Variants in RGS9 observed in about 807,000 individuals in gnomAD.
The protein encoded by RGS9 is regulator of G-protein signalling 9.
RGS9 carries 78 observed loss-of-function variants against 102.0 expected under a neutral mutation model. The observed-to-expected ratio is 0.76, with a 90% CI of 0.64 to 0.92. The LOEUF is 0.92. RGS9 is among the 40% of genes least tolerant of loss of function. RGS9 has a pLI of 0.00. For synonymous variants in RGS9, 353 were observed against 318.6 expected (o/e 1.11, Z -1.15); for missense variants, 833 against 866.1 (o/e 0.96, Z 0.48).
intron 13 of RGS9, among the ~76,000 whole-genome samples, chr17:65,197,462 C>T (rs1912640668): frequency 6.6e-6 from 1 of 152,066 alleles, no homozygotes; most frequent in Admixed American, 6.6e-5. Flanking sequence ...GGGAAAATTG[C>T]ACCTGCTCAC....
chr17:65,215,083 G>A (rs1005711464), intron 17 of RGS9, among the ~76,000 whole-genome samples: 5 of 152,308 alleles, frequency 3.3e-5, no homozygotes, highest in East Asian at 1.9e-4. Context: ...CTTGCAGTTC[G>A]TATGCTGGAT....
At chr17:65,159,526 G>A (rs769892399) in intron 3 of RGS9, among the ~76,000 whole-genome samples, 4 of 152,150 alleles carry the variant, frequency 2.6e-5, no homozygotes, top group Non-Finnish European at 4.4e-5. Context: ...TGGAGGCTGA[G>A]CTATGGGATG....
intron 17 of RGS9, among the ~76,000 whole-genome samples, chr17:65,223,794 A>G (rs997869220): frequency 6.9e-6 from 1 of 144,764 alleles, no homozygotes; most frequent in African/African-American, 2.6e-5. Flanking sequence ...TCTGTCACCC[A>G]GGCTGGAGTG....
At chr17:65,217,422 A>T (rs1452398710) in intron 17 of RGS9, among the ~76,000 whole-genome samples, 1 of 152,248 alleles carries the variant, frequency 6.6e-6, no homozygotes, top group African/African-American at 2.4e-5. Context: ...TGCCGAATCA[A>T]GAAGTTGAGC....
intron 13 of RGS9, among the ~76,000 whole-genome samples, chr17:65,198,280 G>C (rs1912675190): frequency 6.6e-6 from 1 of 151,118 alleles, no homozygotes; most frequent in Non-Finnish European, 1.5e-5. Flanking sequence ...TTTTGATATG[G>C]AGTCTCGCTC....
chr17:65,140,885 T>TG (rs1398289493), intron 1 of RGS9, among the ~76,000 whole-genome samples: 2 of 146,376 alleles, frequency 1.4e-5, no homozygotes, highest in African/African-American at 5.1e-5. Flanking sequence ...AGACTCTGTC[T>TG]AAAAAAAAAA....
At chr17:65,200,323 G>A (rs764907821) in intron 13 of RGS9, among the ~76,000 whole-genome samples, 2 of 152,136 alleles carry the variant, frequency 1.3e-5, no homozygotes, top group South Asian at 4.1e-4. Flanking sequence ...AGCCACCCAT[G>A]CCCAGCCGAA....
rs148412588 is a variant in RGS9, at chr17:65,193,389, G to T, written c.747-154G>T. Among the ~76,000 whole-genome samples the T allele has an allele frequency of 6.1e-3, 927 of 152,252 alleles. 5 individuals are homozygous for T. Among genetic ancestry groups the T allele is most frequent in the Non-Finnish European group, 9.1e-3 (618 of 68,006 alleles). Reference sequence around the variant, plus strand: ...TGTCAAATACCTGCCAATCCCAAGGGTTATTTGATTTGAGGAAATTTCTAG... The same window carrying T: ...TGTCAAATACCTGCCAATCCCAAGGTTTATTTGATTTGAGGAAATTTCTAG... On this transcript the variant is annotated intron_variant, in intron 11 of 18. Coordinates refer to ENST00000262406, the MANE Select transcript of RGS9 (RefSeq NM_003835.4).
chr17:65,182,459 C>A (rs532818228), intron 9 of RGS9, among the ~76,000 whole-genome samples: 1 of 152,230 alleles, frequency 6.6e-6, no homozygotes, highest in African/African-American at 2.4e-5. Flanking sequence ...GGTGGCTCCC[C>A]CAAGGACACA....
At chr17:65,140,733 G>C (rs1488523793) in intron 1 of RGS9, among the ~76,000 whole-genome samples, 4 of 152,132 alleles carry the variant, frequency 2.6e-5, no homozygotes, top group Admixed American at 2.6e-4. Flanking sequence ...AAATTAGCAG[G>C]GCGTGGTGGT....
intron 17 of RGS9, among the ~76,000 whole-genome samples, chr17:65,218,856 C>T (rs1598009984): frequency 6.6e-6 from 1 of 152,250 alleles, no homozygotes; most frequent in Non-Finnish European, 1.5e-5. Flanking sequence ...GCCCAGCATC[C>T]TGCTAAGTGC....
At chr17:65,202,206 A>C in intron 14 of RGS9, 126 bp downstream of exon 14, 1 of 702,208 alleles carries the variant, frequency 1.4e-6, no homozygotes, top group African/African-American at 1.7e-5. Flanking sequence ...GGTCAGCATC[A>C]GTTCACTGTA....
intron 7 of RGS9, among the ~76,000 whole-genome samples, chr17:65,163,359 A>T (rs1451269470): frequency 6.6e-6 from 1 of 150,994 alleles, no homozygotes; most frequent in African/African-American, 2.4e-5. Flanking sequence ...TATTATTATT[A>T]TTATTTGTAT....
At chr17:65,196,841 C>T (rs116014988) in intron 12 of RGS9, among the ~76,000 whole-genome samples, 3 of 152,224 alleles carry the variant, frequency 2.0e-5, no homozygotes, top group African/African-American at 2.4e-5. Context: ...CATTTGAATT[C>T]GTTTGTCCTT....
At chr17:65,187,392 C>T (rs951160988) in intron 9 of RGS9, among the ~76,000 whole-genome samples, 8 of 152,172 alleles carry the variant, frequency 5.3e-5, no homozygotes, top group Non-Finnish European at 1.0e-4. Flanking sequence ...TAGAGAACTA[C>T]GTGAGCCTTA....
intron 14 of RGS9, among the ~76,000 whole-genome samples, chr17:65,203,673 C>T (rs1351383824): frequency 1.3e-5 from 2 of 152,304 alleles, no homozygotes; most frequent in South Asian, 2.1e-4. Context: ...GTCTGCCCAG[C>T]GGGTCAGACC....
chr17:65,182,334 T>G (rs1911916094), intron 9 of RGS9, among the ~76,000 whole-genome samples: 1 of 152,236 alleles, frequency 6.6e-6, no homozygotes. Context: ...GTGCCAGGCA[T>G]GGACCTGAGT....
intron 8 of RGS9, among the ~76,000 whole-genome samples, chr17:65,176,011 G>A (rs569582276): frequency 7.5e-4 from 114 of 152,326 alleles, no homozygotes; most frequent in African/African-American, 2.7e-3. Flanking sequence ...CTAAAACCCA[G>A]TCTGATCCCA....
At chr17:65,192,152 G>A (rs975400627) in intron 11 of RGS9, among the ~76,000 whole-genome samples, 11 of 152,196 alleles carry the variant, frequency 7.2e-5, no homozygotes, top group Non-Finnish European at 1.6e-4. Flanking sequence ...GTATTGATAG[G>A]ATCAGGGTAA....
Sources: allele counts gnomAD v4.1 joint callset (sites outside exome capture counted in the v4.1 genomes callset), GRCh38; gene constraint gnomAD v4.1.1; transcripts MANE v1.5; gene names NCBI Gene and HGNC (gene_info 2026-07-23, HGNC 2026-07-21).